The following TMOD3 variants were observed in gnomAD, a reference collection of about 807,000 sequenced individuals.
TMOD3 encodes tropomodulin 3, also known as tropomodulin-3.
Under a neutral mutation model 39.2 loss-of-function variants are expected in TMOD3, and 20 were observed. The observed-to-expected ratio is 0.51, with a 90% confidence interval of 0.36 to 0.74. The LOEUF is 0.74. Among genes scored for constraint, TMOD3 ranks in the 30% least tolerant of loss-of-function variants. The pLI, the probability that TMOD3 is intolerant of heterozygous loss-of-function variation, is 0.00. For synonymous variants in TMOD3, 143 were observed against 145.8 expected (o/e 0.98, Z 0.14); for missense variants, 381 against 412.8 (o/e 0.92, Z 0.67).
intron 1 of TMOD3, chr15:51,861,092 C>G (rs2056415782): frequency 1.7e-6 from 1 of 587,942 alleles, no homozygotes; most frequent in South Asian, 1.5e-5. Context: ...TTCTCTGGAT[C>G]TGTTCGAAAA....
At chr15:51,902,947 G>A (rs1030464641) in intron 9 of TMOD3, among the ~76,000 whole-genome samples, 3 of 150,976 alleles carry the variant, frequency 2.0e-5, no homozygotes, top group Admixed American at 6.6e-5. Flanking sequence ...CACCGCGCCC[G>A]GCCAATTTTT....
At chr15:51,867,898 C>T (rs1360328324) in intron 2 of TMOD3, among the ~76,000 whole-genome samples, 3 of 152,270 alleles carry the variant, frequency 2.0e-5, no homozygotes, top group East Asian at 3.9e-4. Context: ...AACTTTAATC[C>T]ATCACCTTCC....
At chr15:51,839,493 A>G (rs2056303123) in intron 1 of TMOD3, among the ~76,000 whole-genome samples, 1 of 151,944 alleles carries the variant, frequency 6.6e-6, no homozygotes, top group Admixed American at 6.6e-5. Context: ...GTGTCTATTT[A>G]TTCCTATGAC....
intron 1 of TMOD3, among the ~76,000 whole-genome samples, chr15:51,841,549 TC>T (rs2056312709): frequency 1.3e-5 from 2 of 152,304 alleles, no homozygotes; most frequent in Non-Finnish European, 2.9e-5. Flanking sequence ...AGACCTTATG[TC>T]CTGGAGACTG....
chr15:51,891,169 T>A (rs1451499184), intron 5 of TMOD3, among the ~76,000 whole-genome samples: 2 of 152,156 alleles, frequency 1.3e-5, no homozygotes, highest in Non-Finnish European at 2.9e-5. Flanking sequence ...TCAAAAAAGG[T>A]TACACACTGC....
chr15:51,875,211 G>C (rs538571455), intron 3 of TMOD3: 1 of 152,200 alleles, frequency 6.6e-6, no homozygotes, highest in East Asian at 1.9e-4. Context: ...TTATAAACCT[G>C]CCTACATCAA....
At chr15:51,869,079 T>C (rs2056461573) in intron 2 of TMOD3, 138 bp from the exon 3 acceptor site, 1 of 833,802 alleles carries the variant, frequency 1.2e-6, no homozygotes, top group Admixed American at 3.2e-5. Context: ...TACATTGCTG[T>C]CCTAAAATCC....
intron 3 of TMOD3, among the ~76,000 whole-genome samples, chr15:51,876,369 ATGT>A (rs1329935330): frequency 1.3e-5 from 2 of 151,044 alleles, no homozygotes; most frequent in Non-Finnish European, 2.9e-5. Context: ...GGGTCTTGCT[ATGT>A]TGTTCTCAAA....
intron 3 of TMOD3, among the ~76,000 whole-genome samples, chr15:51,874,667 T>C (rs1403641291): frequency 1.3e-5 from 2 of 152,262 alleles, no homozygotes; most frequent in Non-Finnish European, 2.9e-5. Context: ...CAGTCTTCAG[T>C]ATTTTTTACT....
At chr15:51,865,920 C>T (rs1309188646) in intron 2 of TMOD3, among the ~76,000 whole-genome samples, 1 of 151,896 alleles carries the variant, frequency 6.6e-6, no homozygotes, top group African/African-American at 2.4e-5. Flanking sequence ...ATATATGTCT[C>T]CAGAAGACAG....
chr15:51,858,202 G>A (rs2056397838), intron 1 of TMOD3: 1 of 152,074 alleles, frequency 6.6e-6, no homozygotes, highest in African/African-American at 2.4e-5. Flanking sequence ...ACAGGTGTGT[G>A]CTGCCATGCC....
In TMOD3 at chr15:51,913,469, C is replaced by A. The variant is rs551205329; in HGVS notation, c.*4659C>A. 2 of 152,282 alleles carry A rather than the reference C, an allele frequency of 1.3e-5. No homozygotes were observed. The highest frequency in any genetic ancestry group is 4.1e-4 in the South Asian group (2 of 4,830). The allele number at this position is 152,282 out of a possible 1,614,324, so 9.4% of individuals were successfully genotyped here. ...CCAAAATAATTTGAAATCTGAAACA[C>A]TTAATGGTCCCAGCATGTTGGATAA... On this transcript the variant is annotated 3_prime_UTR_variant, in exon 10 of 10. Coordinates refer to ENST00000308580, the MANE Select transcript of TMOD3 (RefSeq NM_014547.5).
At chr15:51,851,747 C>T (rs796266615) in intron 1 of TMOD3, among the ~76,000 whole-genome samples, 18 of 152,352 alleles carry the variant, frequency 1.2e-4, no homozygotes, top group African/African-American at 3.8e-4. Flanking sequence ...AGTCATCCTT[C>T]GTGCAGCTCG....
At chr15:51,860,135 G>T (rs370671469) in intron 1 of TMOD3, 2 of 474,522 alleles carry the variant, frequency 4.2e-6, no homozygotes, top group South Asian at 3.2e-5. Flanking sequence ...TTTGTGACTC[G>T]ATCTCTAATT....
intron 1 of TMOD3, among the ~76,000 whole-genome samples, chr15:51,854,069 A>G (rs914046975): frequency 1.3e-5 from 2 of 152,168 alleles, no homozygotes; most frequent in Non-Finnish European, 2.9e-5. Context: ...CCGAGATAAT[A>G]TAGGAAAACT....
chr15:51,839,978 G>C (rs1011138105), intron 1 of TMOD3, among the ~76,000 whole-genome samples: 2 of 152,104 alleles, frequency 1.3e-5, no homozygotes, highest in African/African-American at 4.8e-5. Context: ...AATGCTTACT[G>C]AGTCCCCTTA....
intron 6 of TMOD3, among the ~76,000 whole-genome samples, chr15:51,895,545 C>T (rs780201142): frequency 2.0e-5 from 3 of 151,686 alleles, no homozygotes; most frequent in African/African-American, 4.8e-5. Context: ...TAATTTGGTC[C>T]CTGTGTATCC....
At chr15:51,844,642 G>A (rs2056327121) in intron 1 of TMOD3, among the ~76,000 whole-genome samples, 1 of 152,174 alleles carries the variant, frequency 6.6e-6, no homozygotes, top group Admixed American at 6.5e-5. Flanking sequence ...AAATGAATGT[G>A]CTACTTTAGT....
rs146948504 is a variant in TMOD3 at position 51,866,577 on chromosome 15, G to A, written c.127-2640G>A. On this transcript the variant is annotated intron_variant, in intron 2 of 9. Coordinates refer to ENST00000308580, the MANE Select transcript of TMOD3 (RefSeq NM_014547.5). ...TTTCAGCTATCATATTTAAGACTGT[G>A]TGTGTCACATGGGCTTGAGCAGGCA... Among the ~76,000 whole-genome samples the A allele has an allele frequency of 1.5e-3, 233 of 152,304 alleles. 1 individual carries two copies. Among genetic ancestry groups the A allele is most frequent in the African/African-American group, 5.2e-3 (216 of 41,574 alleles).
Sources: allele counts gnomAD v4.1 joint callset (sites outside exome capture counted in the v4.1 genomes callset), GRCh38; gene constraint gnomAD v4.1.1; transcripts MANE v1.5; gene names NCBI Gene and HGNC (gene_info 2026-07-23, HGNC 2026-07-21).